The following SETD7 variants were observed in gnomAD, a reference collection of about 807,000 sequenced individuals.
The protein encoded by SETD7 is SET domain containing 7, histone lysine methyltransferase.
In SETD7, 16 loss-of-function variants were observed where a neutral mutation model predicts 41.8. The observed-to-expected ratio is 0.38, with a 90% confidence interval of 0.26 to 0.58. The LOEUF is 0.58. SETD7 is among the 20% of genes least tolerant of loss of function. SETD7 has a pLI of 0.64. For synonymous variants in SETD7, 163 were observed against 169.7 expected, an observed-to-expected ratio of 0.96 and a Z score of 0.31; for missense variants, 346 against 459.7, an observed-to-expected ratio of 0.75 and a Z score of 2.26.
chr4:139,539,665 G>C (rs949252518), intron 2 of SETD7, among the ~76,000 whole-genome samples: 1 of 152,194 alleles, frequency 6.6e-6, no homozygotes, highest in Non-Finnish European at 1.5e-5. Context: ...AAAACTTTCT[G>C]CTACGGACTA....
chr4:139,497,011 C>T (rs569164411), intron 7 of SETD7, among the ~76,000 whole-genome samples: 36 of 152,120 alleles, frequency 2.4e-4, no homozygotes, highest in Non-Finnish European at 4.6e-4. Context: ...TCGTGTTTTA[C>T]AGATAACTGT....
At chr4:139,540,074 T>C (rs1417716948) in intron 2 of SETD7, among the ~76,000 whole-genome samples, 1 of 152,204 alleles carries the variant, frequency 6.6e-6, no homozygotes, top group Non-Finnish European at 1.5e-5. Context: ...ACAACAATGA[T>C]AAAATAATCC....
chr4:139,528,074 T>C (rs1727381536), intron 4 of SETD7, among the ~76,000 whole-genome samples: 1 of 152,222 alleles, frequency 6.6e-6, no homozygotes, highest in Admixed American at 6.5e-5. Flanking sequence ...TACATGCATA[T>C]ATTGTTTTCA....
At position 139,507,376 on chromosome 4, in the gene SETD7, C is replaced by T. The variant is rs1273739531; in HGVS notation, c.*4287G>A. 2 of 152,540 alleles carry T rather than the reference C, an allele frequency of 1.3e-5. No homozygotes were observed. Among genetic ancestry groups the T allele is most frequent in the Non-Finnish European group, 2.9e-5 (2 of 68,044 alleles). 9.4% of individuals were successfully genotyped at this position (152,540 alleles called of 1,614,324 possible). A position where few individuals can be genotyped will look rare whatever the true frequency, so the allele number is the denominator to read the frequency against. ...TGGGGAAGCCTACGAGCTCTCTCCA[C>T]GTCAGGTGCAACAACGCCGAGGAAG... is the stretch of plus-strand genomic sequence containing the variant. On this transcript the variant is annotated 3_prime_UTR_variant, in exon 8 of 8. Transcript: ENST00000274031.
In SETD7 at chr4:139,539,502, T is replaced by C. The variant is rs527948972; in HGVS notation, c.171-6136A>G. Among the ~76,000 whole-genome samples, 202 of 152,356 alleles carry C rather than the reference T, an allele frequency of 1.3e-3. 3 individuals are homozygous for C. The South Asian group carries it at 0.019, about 15-fold the overall frequency. ...AATGCTTCCATATAATATAACATAC[T>C]GTCTATCTTTGAAGGTTTTCTTTTT... On this transcript the variant is annotated intron_variant, in intron 2 of 7. Coordinates refer to ENST00000274031, the MANE Select transcript of SETD7 (RefSeq NM_030648.4).
At chr4:139,500,668 C>T (rs1442328225) in intron 7 of SETD7, among the ~76,000 whole-genome samples, 1 of 152,140 alleles carries the variant, frequency 6.6e-6, no homozygotes, top group African/African-American at 2.4e-5. Flanking sequence ...ACCACCACGC[C>T]CAGCTAATTT....
intron 7 of SETD7, among the ~76,000 whole-genome samples, chr4:139,497,158 T>C (rs1177306788): frequency 6.6e-6 from 1 of 152,166 alleles, no homozygotes; most frequent in East Asian, 1.9e-4. Context: ...AAATTTGGGC[T>C]CATTTAAAAA....
intron 4 of SETD7, among the ~76,000 whole-genome samples, chr4:139,526,683 T>C (rs1437563970): frequency 6.6e-6 from 1 of 152,118 alleles, no homozygotes; most frequent in East Asian, 1.9e-4. Context: ...AGGAAACAGG[T>C]TCTGAAAAAA....
chr4:139,513,188 G>T (rs1051640169), intron 7 of SETD7, among the ~76,000 whole-genome samples: 4 of 151,940 alleles, frequency 2.6e-5, no homozygotes, highest in Non-Finnish European at 5.9e-5. Flanking sequence ...GGGAGGCTGA[G>T]GGGGGTGGAT....
downstream of SETD7, among the ~76,000 whole-genome samples, chr4:139,493,050 A>G (rs1224368898): frequency 6.6e-6 from 1 of 152,194 alleles, no homozygotes; most frequent in African/African-American, 2.4e-5. Flanking sequence ...TGTGTAAGGG[A>G]CTAAGGATGT....
Position 139,509,698 on chromosome 4 carries a change from C to T in SETD7, c.*1965G>A, listed in dbSNP as rs1011730963. ...GGCACATTTAAATTAAAGCACCTAT[C>T]AGAATGCAAGTCCAGAGGCCCTGGC... On this transcript the variant is annotated 3_prime_UTR_variant, in exon 8 of 8. Transcript: ENST00000274031. The T allele has an allele frequency of 2.0e-6, 2 of 985,406 alleles. No individual in the cohort carries two copies. The highest frequency in any genetic ancestry group is 3.5e-5 in the African/African-American group (2 of 57,256). The allele number at this position is 985,406 out of a possible 1,614,324, so 61.0% of individuals were successfully genotyped here.
intron 6 of SETD7, among the ~76,000 whole-genome samples, chr4:139,519,523 C>A (rs1026434771): frequency 4.6e-5 from 7 of 152,206 alleles, no homozygotes; most frequent in Admixed American, 3.3e-4. Context: ...AGTTTGAATA[C>A]GTCGCCCTCT....
In SETD7 at chr4:139,508,576, T is replaced by A. The variant is rs921481947; in HGVS notation, c.*3087A>T. ...AGATCTGGTCATGCAGGAGTTGGACTGAGACAGCTCTGAGTGAATCTCCTT... is the reference window on the plus strand; with the variant it reads ...AGATCTGGTCATGCAGGAGTTGGACAGAGACAGCTCTGAGTGAATCTCCTT... On this transcript the variant is annotated 3_prime_UTR_variant, in exon 8 of 8. Coordinates refer to ENST00000274031, the MANE Select transcript of SETD7 (RefSeq NM_030648.4). 8 of 152,252 alleles carry A rather than the reference T, an allele frequency of 5.3e-5. No individual in the cohort carries two copies. The highest frequency in any genetic ancestry group is 1.0e-4 in the Non-Finnish European group (7 of 68,034). 9.4% of individuals were successfully genotyped at this position (152,252 alleles called of 1,614,324 possible). A position where few individuals can be genotyped will look rare whatever the true frequency, so the allele number is the denominator to read the frequency against.
intron 2 of SETD7, among the ~76,000 whole-genome samples, chr4:139,537,550 A>G (rs1226540898): frequency 2.0e-5 from 3 of 152,234 alleles, no homozygotes; most frequent in African/African-American, 7.2e-5. Context: ...CTAGGCATGT[A>G]CTATTACAGA....
chr4:139,523,577 A>G (rs1043977548), intron 4 of SETD7, 142 bp from the exon 5 acceptor site: 6 of 549,064 alleles, frequency 1.1e-5, no homozygotes, highest in Admixed American at 3.5e-5. Flanking sequence ...AAGTTCTTCA[A>G]TTTAAATGGA....
chr4:139,529,395 A>T (rs1727419767), intron 3 of SETD7, among the ~76,000 whole-genome samples, 175 bp from the exon 4 acceptor site: 1 of 152,198 alleles, frequency 6.6e-6, no homozygotes, highest in Non-Finnish European at 1.5e-5. Flanking sequence ...ATAGCTCCTC[A>T]TCCAGCTCCA....
At chr4:139,543,824 C>T (rs868541695) in intron 2 of SETD7, among the ~76,000 whole-genome samples, 7 of 145,700 alleles carry the variant, frequency 4.8e-5, no homozygotes, top group Middle Eastern at 3.5e-3. Context: ...ATTAGCCGGG[C>T]GTGGTGGTGG....
At chr4:139,499,956 T>C (rs980021798) in intron 7 of SETD7, among the ~76,000 whole-genome samples, 3 of 152,196 alleles carry the variant, frequency 2.0e-5, no homozygotes, top group Non-Finnish European at 4.4e-5. Flanking sequence ...CATTAGATCA[T>C]GCCGTTTTTG....
chr4:139,499,311 CAAGGTTAGAATT>C (rs1726523968), intron 7 of SETD7, among the ~76,000 whole-genome samples: 1 of 152,152 alleles, frequency 6.6e-6, no homozygotes, highest in Admixed American at 6.5e-5. Context: ...CAAGAGGACG[CAAGGTTAGAATT>C]ATGGTAGAGG....
Sources: gnomAD v4.1 joint callset for allele counts (sites outside exome capture counted in the v4.1 genomes callset) on GRCh38, gnomAD v4.1.1 for gene constraint, MANE v1.5 for transcripts, NCBI Gene and HGNC (gene_info 2026-07-23, HGNC 2026-07-21) for gene names.